Variants in MAN1A2 observed in about 807,000 individuals in gnomAD.
MAN1A2 encodes the protein mannosyl-oligosaccharide 1,2-alpha-mannosidase IB.
Under a neutral mutation model 75.7 loss-of-function variants are expected in MAN1A2, and 26 were observed. That is an observed-to-expected ratio of 0.34 (90% CI 0.25 to 0.48). MAN1A2 has a LOEUF of 0.48. MAN1A2 is among the 20% of genes least tolerant of loss of function. The pLI, the probability that MAN1A2 is intolerant of heterozygous loss-of-function variation, is 0.99. For missense variants in MAN1A2, 562 were observed against 775.5 expected, an observed-to-expected ratio of 0.72 and a Z score of 3.27; for synonymous variants, 247 against 264.6, an observed-to-expected ratio of 0.93 and a Z score of 0.65.
intron 4 of MAN1A2, among the ~76,000 whole-genome samples, chr1:117,419,249 TCATTTTAA>T (rs1483608072): frequency 6.6e-6 from 1 of 152,072 alleles, no homozygotes; most frequent in Non-Finnish European, 1.5e-5. Context: ...TTTAAAAGGC[TCATTTTAA>T]CTATAGTGTG....
chr1:117,506,237 G>A (rs745610421), intron 12 of MAN1A2, among the ~76,000 whole-genome samples: 12 of 151,450 alleles, frequency 7.9e-5, no homozygotes, highest in Non-Finnish European at 1.5e-4. Context: ...AATTTACTGC[G>A]GATTCATTAA....
chr1:117,416,393 T>G (rs967111156), intron 4 of MAN1A2, among the ~76,000 whole-genome samples: 8 of 152,178 alleles, frequency 5.3e-5, no homozygotes, highest in Non-Finnish European at 1.0e-4. Context: ...AGCTTTTTGT[T>G]CTTTCAAGTT....
intron 8 of MAN1A2, among the ~76,000 whole-genome samples, chr1:117,472,708 CCT>C (rs1334286828): frequency 2.0e-5 from 3 of 152,028 alleles, no homozygotes; most frequent in African/African-American, 7.2e-5. Context: ...TTTCTCCTAG[CCT>C]CTTAGTGTTG....
chr1:117,380,644 A>G (rs1653302314), intron 1 of MAN1A2, among the ~76,000 whole-genome samples: 1 of 152,180 alleles, frequency 6.6e-6, no homozygotes, highest in Non-Finnish European at 1.5e-5. Flanking sequence ...CTATTGAATA[A>G]TATTGGCACT....
intron 5 of MAN1A2, among the ~76,000 whole-genome samples, chr1:117,435,210 A>G (rs1267289618): frequency 6.6e-6 from 1 of 152,162 alleles, no homozygotes; most frequent in East Asian, 1.9e-4. Context: ...GTAGCTGATA[A>G]TTGAAATCAA....
chr1:117,414,432 C>CT (rs1647922311), intron 3 of MAN1A2, among the ~76,000 whole-genome samples: 1 of 150,760 alleles, frequency 6.6e-6, no homozygotes, highest in African/African-American at 2.4e-5. Context: ...GAAAAGTATG[C>CT]TTTTAGTTTT....
intron 2 of MAN1A2, 44 bp downstream of exon 2, chr1:117,402,485 A>G: frequency 5.3e-6 from 8 of 1,511,562 alleles, no homozygotes; most frequent in Non-Finnish European, 7.1e-6. Context: ...ATGGATTTGT[A>G]TTTGGATACA....
At chr1:117,401,647 A>C (rs1372592056) in intron 1 of MAN1A2, among the ~76,000 whole-genome samples, 1 of 152,180 alleles carries the variant, frequency 6.6e-6, no homozygotes, top group African/African-American at 2.4e-5. Flanking sequence ...CTAAATTGGA[A>C]TCTGTTTTTA....
chr1:117,381,226 T>C (rs2101725903), intron 1 of MAN1A2, among the ~76,000 whole-genome samples: 1 of 152,290 alleles, frequency 6.6e-6, no homozygotes. Flanking sequence ...AGGGTACATG[T>C]GCACAATGTG....
intron 1 of MAN1A2, among the ~76,000 whole-genome samples, chr1:117,394,723 G>A (rs942069693): frequency 4.6e-5 from 7 of 152,090 alleles, no homozygotes; most frequent in African/African-American, 1.7e-4. Context: ...GAGCTTCAAA[G>A]GAAGGATCAA....
chr1:117,421,355 T>C (rs1282093110), intron 5 of MAN1A2, among the ~76,000 whole-genome samples: 1 of 152,098 alleles, frequency 6.6e-6, no homozygotes, highest in African/African-American at 2.4e-5. Flanking sequence ...TTTTGTTATA[T>C]GTATTATAAA....
intron 8 of MAN1A2, among the ~76,000 whole-genome samples, chr1:117,474,807 T>C (rs772023970): frequency 2.0e-5 from 3 of 148,516 alleles, no homozygotes; most frequent in Non-Finnish European, 4.5e-5. Context: ...TGAACATATC[T>C]ATCACCCCTT....
chr1:117,487,225 A>G (rs1420011937), intron 8 of MAN1A2, among the ~76,000 whole-genome samples: 1 of 152,072 alleles, frequency 6.6e-6, no homozygotes, highest in Non-Finnish European at 1.5e-5. Context: ...GTGATTCAGT[A>G]AAACAGGTGT....
At chr1:117,378,416 C>T (rs1456318905) in intron 1 of MAN1A2, among the ~76,000 whole-genome samples, 5 of 152,166 alleles carry the variant, frequency 3.3e-5, no homozygotes, top group African/African-American at 7.2e-5. Flanking sequence ...TACAATTTCA[C>T]TTTTGGGCTC....
intron 6 of MAN1A2, among the ~76,000 whole-genome samples, chr1:117,453,345 A>G (rs1249912643): frequency 2.0e-5 from 3 of 152,340 alleles, no homozygotes; most frequent in Middle Eastern, 3.4e-3. Flanking sequence ...TAAATGGAAA[A>G]TCTTCTGGAA....
chr1:117,508,735 A>G (rs986381869), intron 12 of MAN1A2, among the ~76,000 whole-genome samples: 3 of 151,670 alleles, frequency 2.0e-5, no homozygotes, highest in Non-Finnish European at 4.4e-5. Context: ...GACTTTTCAC[A>G]GTATAATATT....
At chr1:117,461,280 T>C (rs985645627) in intron 7 of MAN1A2, among the ~76,000 whole-genome samples, 1 of 152,164 alleles carries the variant, frequency 6.6e-6, no homozygotes, top group Non-Finnish European at 1.5e-5. Context: ...GACATTATGT[T>C]AAGTGAAATA....
chr1:117,373,372 T>C (rs974663582), intron 1 of MAN1A2, among the ~76,000 whole-genome samples: 5 of 152,196 alleles, frequency 3.3e-5, no homozygotes, highest in African/African-American at 1.2e-4. Context: ...CCTTATAAAT[T>C]GCTCATGGTT....
At chr1:117,499,356 C>T (rs764010052) in intron 10 of MAN1A2, 26 bp from the exon 11 acceptor site, 3 of 1,495,862 alleles carry the variant, frequency 2.0e-6, no homozygotes, top group Admixed American at 2.2e-5. Context: ...TTATTTTGCT[C>T]AGTTATTTCT....
Sources: gnomAD v4.1 joint callset for allele counts (sites outside exome capture counted in the v4.1 genomes callset) on GRCh38, gnomAD v4.1.1 for gene constraint, MANE v1.5 for transcripts, NCBI Gene and HGNC (gene_info 2026-07-23, HGNC 2026-07-21) for gene names.